The following NXPE2 variants were observed in gnomAD, a reference collection of about 807,000 sequenced individuals.
The protein encoded by NXPE2 is NXPE family member 2.
Under a neutral mutation model 34.4 loss-of-function variants are expected in NXPE2, and 34 were observed. The ratio of observed to expected loss-of-function variants is 0.99; its 90% confidence interval spans 0.75 to 1.31. The LOEUF is 1.31. Among genes scored for constraint, NXPE2 ranks in the 40% most tolerant of loss-of-function variants. NXPE2 has a pLI of 0.00. For synonymous variants in NXPE2, 235 were observed against 231.3 expected, an observed-to-expected ratio of 1.02 and a Z score of -0.15; for missense variants, 649 against 672.5, an observed-to-expected ratio of 0.97 and a Z score of 0.39.
At chr11:114,530,308 G>C in the NXPE2 span, 1 of 1,614,206 alleles carries the variant, frequency 6.2e-7, no homozygotes, top group Non-Finnish European at 8.5e-7. Context: ...CTGTCATCCA[G>C]ATATTCACAG....
chr11:114,630,832 A>T, the NXPE2 span, among the ~76,000 whole-genome samples: 141 of 151,872 alleles, frequency 9.3e-4, 2 homozygotes, highest in South Asian at 6.6e-3. Context: ...TACAAGAAAA[A>T]AACAAACAAC....
chr11:114,560,279 T>C, the NXPE2 span, among the ~76,000 whole-genome samples: 1 of 151,066 alleles, frequency 6.6e-6, no homozygotes, highest in African/African-American at 2.4e-5. Flanking sequence ...TTTTCTTTTT[T>C]TTTTTTTTTT....
the NXPE2 span, among the ~76,000 whole-genome samples, chr11:114,768,859 G>A: frequency 1.3e-5 from 2 of 151,920 alleles, no homozygotes; most frequent in African/African-American, 4.8e-5. Context: ...AAAAACCCTA[G>A]AAAAAAATCT....
chr11:114,616,398 G>A, the NXPE2 span, among the ~76,000 whole-genome samples: 25 of 151,212 alleles, frequency 1.7e-4, 1 homozygote, highest in African/African-American at 4.7e-4. Flanking sequence ...TTGTTGCCTC[G>A]TGGGTAACCG....
At chr11:114,723,332 A>C in the NXPE2 span, among the ~76,000 whole-genome samples, 4 of 152,158 alleles carry the variant, frequency 2.6e-5, no homozygotes, top group Non-Finnish European at 5.9e-5. Flanking sequence ...GGGGAAAGTA[A>C]AGAAGGAGAG....
chr11:114,611,297 T>C, the NXPE2 span, among the ~76,000 whole-genome samples: 1 of 151,670 alleles, frequency 6.6e-6, no homozygotes, highest in Non-Finnish European at 1.5e-5. Flanking sequence ...AAGTGTTGCC[T>C]CATGGGTAAT....
the NXPE2 span, among the ~76,000 whole-genome samples, chr11:114,562,696 C>A: frequency 6.6e-6 from 1 of 152,080 alleles, no homozygotes; most frequent in Non-Finnish European, 1.5e-5. Flanking sequence ...GTCGTTGTAT[C>A]CAATCACACA....
rs1412539471 is a variant in NXPE2, at chr11:114,698,197, C to A, written c.285C>A (p.Ile95=). ...KDIMEKLDQQ[I]PPRPFTHVNT... is the part of the protein sequence containing the mutation. The stretch of plus-strand genomic sequence containing the variant: ...TTATGGAGAAACTAGACCAGCAGAT[C>A]CCACCCAGACCTTTCACCCATGTGA... The change falls in exon 3 of 6, where the codon ATC becomes ATA. Residue 95 remains isoleucine, a synonymous_variant. Coordinates refer to ENST00000389586, the MANE Select transcript of NXPE2 (RefSeq NM_182495.6). 3 of 1,614,034 alleles carry A rather than the reference C, an allele frequency of 1.9e-6. No individual in the cohort carries two copies. The highest frequency in any genetic ancestry group is 1.7e-5 in the Admixed American group (1 of 60,006).
chr11:114,503,496 C>T, the NXPE2 span, among the ~76,000 whole-genome samples: 1 of 151,616 alleles, frequency 6.6e-6, no homozygotes, highest in African/African-American at 2.4e-5. Context: ...TGAAAAAGAA[C>T]ATTCAGAGAA....
At chr11:114,529,468 CTG>C in the NXPE2 span, 1 of 152,216 alleles carries the variant, frequency 6.6e-6, no homozygotes, top group Non-Finnish European at 1.5e-5. Context: ...AAGTGAGCCT[CTG>C]TGAGTCGGGG....
chr11:114,471,109 CCTAT>C, the NXPE2 span, among the ~76,000 whole-genome samples: 2 of 152,136 alleles, frequency 1.3e-5, no homozygotes, highest in African/African-American at 4.8e-5. Context: ...CTTAACAGTG[CCTAT>C]CTAAGAGAAT....
chr11:114,517,962 C>T, the NXPE2 span: 1 of 152,366 alleles, frequency 6.6e-6, no homozygotes, highest in Admixed American at 6.5e-5. Context: ...TACAAAGTGA[C>T]CCTTAGGAAT....
chr11:114,739,274 C>T, the NXPE2 span, among the ~76,000 whole-genome samples: 1 of 148,746 alleles, frequency 6.7e-6, no homozygotes, highest in Admixed American at 6.7e-5. Flanking sequence ...TACTTATTGC[C>T]ATTATTTTCC....
the NXPE2 span, among the ~76,000 whole-genome samples, chr11:114,750,802 C>T: frequency 6.6e-6 from 1 of 152,210 alleles, no homozygotes; most frequent in South Asian, 2.1e-4. Context: ...GGCCATCTAA[C>T]TGTGAAGTCA....
chr11:114,651,391 C>G, the NXPE2 span, among the ~76,000 whole-genome samples: 1 of 152,012 alleles, frequency 6.6e-6, no homozygotes, highest in African/African-American at 2.4e-5. Context: ...CTCGTGGTCT[C>G]GCTGGCTTCA....
chr11:114,666,630 A>C, the NXPE2 span, among the ~76,000 whole-genome samples: 1 of 152,152 alleles, frequency 6.6e-6, no homozygotes, highest in Non-Finnish European at 1.5e-5. Context: ...TAAATCATAT[A>C]AGCCCTTAGT....
At chr11:114,644,048 G>A in the NXPE2 span, among the ~76,000 whole-genome samples, 1 of 149,664 alleles carries the variant, frequency 6.7e-6, no homozygotes. Flanking sequence ...GTTCACTAAT[G>A]TTTTGGCTCT....
At chr11:114,523,555 A>C in the NXPE2 span, among the ~76,000 whole-genome samples, 1 of 152,148 alleles carries the variant, frequency 6.6e-6, no homozygotes, top group Non-Finnish European at 1.5e-5. Flanking sequence ...AAATATAAAA[A>C]CCTCAAATAG....
At chr11:114,787,180 C>A in the NXPE2 span, among the ~76,000 whole-genome samples, 2 of 151,010 alleles carry the variant, frequency 1.3e-5, no homozygotes, top group African/African-American at 2.4e-5. Flanking sequence ...CGCACACACA[C>A]AAAAAAAAAG....
Sources: gnomAD v4.1 joint callset for allele counts (sites outside exome capture counted in the v4.1 genomes callset) on GRCh38, gnomAD v4.1.1 for gene constraint, MANE v1.5 for transcripts, NCBI Gene and HGNC (gene_info 2026-07-23, HGNC 2026-07-21) for gene names.